HARS1: variants seen among roughly 807,000 people sequenced by gnomAD.
The protein encoded by HARS1 is histidyl-tRNA synthetase 1.
HARS1 carries 45 observed loss-of-function variants against 63.6 expected under a neutral mutation model. The ratio of observed to expected loss-of-function variants is 0.71; its 90% CI spans 0.56 to 0.91. The LOEUF (loss-of-function observed/expected upper bound fraction) is 0.91, where lower values mean the gene tolerates loss of function less well. Ranked by LOEUF, HARS1 falls within the 40% of genes least tolerant of loss-of-function variation. The probability of loss-of-function intolerance (pLI) is 0.00; values close to 1 mark genes in which losing one functional copy is unlikely to be tolerated. For synonymous variants in HARS1, 205 were observed against 247.1 expected (o/e 0.83, Z 1.60); for missense variants, 508 against 643.2 (o/e 0.79, Z 2.27).
chr5:140,679,626 G>A lies in HARS1; in HGVS notation c.396+162C>T, dbSNP rs143166254. On this transcript the variant is annotated intron_variant, in intron 4 of 12. Transcript: ENST00000504156. The surrounding 1 kb of genome is among the most constrained non-coding windows in gnomAD (Gnocchi z 4.3). ...GGATTCAGAAGATTTCTAAGGATGTGTATGCTCTGTTTAGCCAAAGTTCCA... is the reference window on the plus strand; with the variant it reads ...GGATTCAGAAGATTTCTAAGGATGTATATGCTCTGTTTAGCCAAAGTTCCA... The A allele has an allele frequency of 9.0e-5, 50 of 552,822 alleles. 1 individual carries two copies. The highest frequency in any genetic ancestry group is 2.1e-4 in the Admixed American group (6 of 28,652). 34.2% of individuals were successfully genotyped at this position (552,822 alleles called of 1,614,324 possible).
intron 10 of HARS1, 200 bp from the exon 11 acceptor site, chr5:140,675,333 A>T: frequency 1.9e-6 from 1 of 515,190 alleles, no homozygotes; most frequent in South Asian, 2.7e-5. Flanking sequence ...CATAGGACGT[A>T]TCAGAATAAA....
Position 140,690,862 on chromosome 5 carries a change from G to A in HARS1, c.173C>T (p.Thr58Ile). 3.8e-6 allele frequency: 6 copies of A among 1,582,546 alleles called. No homozygotes were observed. The South Asian group carries it at 6.6e-5, about 17-fold the overall frequency. Reference protein sequence around the residue: ...DESKQKFVLKTPKGTRDYSPR... With the variant: ...DESKQKFVLKIPKGTRDYSPR... ...CTACAGGAATGATATTACCTTGGGG[G>A]TTTTGAGCACAAATTTCTGTTTGCT... Residue 58 changes from threonine to isoleucine, a missense_variant, in exon 2 of 13, where the codon ACC (threonine) becomes ATC (isoleucine). By Grantham distance (89) the Thr-to-Ile change is moderately conservative (BLOSUM62 -1). Transcript: ENST00000504156.
At chr5:140,678,039 G>A (rs369952694) in intron 5 of HARS1, 24 bp from the exon 6 acceptor site, 98 of 1,310,436 alleles carry the variant, frequency 7.5e-5, no homozygotes, top group Middle Eastern at 1.8e-4. Context: ...GTTAGCCAGC[G>A]GTCTTCAGGG....
At chr5:140,686,983 G>C (rs1372161710) in intron 2 of HARS1, among the ~76,000 whole-genome samples, 1 of 152,144 alleles carries the variant, frequency 6.6e-6, no homozygotes, top group Non-Finnish European at 1.5e-5. Flanking sequence ...AGGTGACGAG[G>C]CTCACTTCGT....
rs775535916 is a variant in HARS1, at chr5:140,691,331, T to G, written c.-27A>C. ...CCGGCTGTCCACTTGAGCCGCCTGC[T>G]GTCTCGACCTGCGGTGGTTGCCCCA... is the stretch of plus-strand genomic sequence containing the variant. On this transcript the variant is annotated 5_prime_UTR_variant, in exon 1 of 13. Transcript: ENST00000504156. The G allele has an allele frequency of 2.6e-6, 4 of 1,553,102 alleles. No individual in the cohort carries two copies. The African/African-American group carries it at 4.1e-5, about 16-fold the overall frequency.
rs1423976032 is a variant in HARS1, at chr5:140,674,304, C to A, written c.1483G>T (p.Val495Leu). Residue 495 changes from valine to leucine, a missense_variant, in exon 13 of 13, where the codon GTG (valine) becomes TTG (leucine). By Grantham distance (32) the Val-to-Leu change is conservative (BLOSUM62 1). Around this residue, in one of 2 missense-constraint regions of HARS1, gnomAD observed 403 missense variants for 548.7 expected, o/e 0.73. Transcript: ENST00000504156. Reference sequence around the variant, plus strand: ...CCTGTTCTCCTTTTGATTTCCTCCACAAGGTCTTCTCTTCGGACATCCACC... The same window carrying A: ...CCTGTTCTCCTTTTGATTTCCTCCAAAAGGTCTTCTCTTCGGACATCCACC... ...EEVDVRREDL[V>L]EEIKRRTGQP... 1 of 1,612,000 alleles carries A rather than the reference C, an allele frequency of 6.2e-7. No individual in the cohort carries two copies. The highest frequency in any genetic ancestry group is 1.7e-5 in the Admixed American group (1 of 60,004).
rs143476664 is a variant in HARS1, at chr5:140,682,257, C to T, written c.300+843G>A. Among the ~76,000 whole-genome samples, 384 of 152,112 alleles carry T rather than the reference C, an allele frequency of 2.5e-3. 2 individuals are homozygous for T. The highest frequency in any genetic ancestry group is 8.9e-3 in the African/African-American group (370 of 41,474). Reference sequence around the variant, plus strand: ...TTTTTTAAAAAGGAATTAAAATCTGCAGTCTCTAGTATAATCTGAAATAAA... The same window carrying T: ...TTTTTTAAAAAGGAATTAAAATCTGTAGTCTCTAGTATAATCTGAAATAAA... On this transcript the variant is annotated intron_variant, in intron 3 of 12. Coordinates refer to ENST00000504156, the MANE Select transcript of HARS1 (RefSeq NM_002109.6).
intron 2 of HARS1, among the ~76,000 whole-genome samples, chr5:140,688,658 T>C (rs886261689): frequency 6.6e-6 from 1 of 152,218 alleles, no homozygotes; most frequent in Non-Finnish European, 1.5e-5. Flanking sequence ...TCAGCTGATA[T>C]GTCTATTTAA....
rs1265544843 is a variant in HARS1 at position 140,679,152 on chromosome 5, A to G, written c.397-25T>C. 6.2e-7 allele frequency: 1 copy of G among 1,612,730 alleles called. No homozygotes were observed. The highest frequency in any genetic ancestry group is 1.7e-5 in the Admixed American group (1 of 59,952). ...CCTGATGACAAAGAGTTAAGGAGAAAGCCCCTCCTATCACTGTCTGCAAGT... is the reference window on the plus strand; with the variant it reads ...CCTGATGACAAAGAGTTAAGGAGAAGGCCCCTCCTATCACTGTCTGCAAGT... On this transcript the variant is annotated intron_variant, in intron 4 of 12. Transcript: ENST00000504156. This position sits in a 1 kb window ranked among gnomAD's most constrained non-coding sequence, Gnocchi z 4.3.
At chr5:140,690,366 C>T (rs543303618) in intron 2 of HARS1, among the ~76,000 whole-genome samples, 1 of 152,026 alleles carries the variant, frequency 6.6e-6, no homozygotes, top group South Asian at 2.1e-4. Flanking sequence ...GCAGGAGAAT[C>T]GCTTGAACCC....
At chr5:140,688,764 A>T (rs970449474) in intron 2 of HARS1, among the ~76,000 whole-genome samples, 2 of 152,066 alleles carry the variant, frequency 1.3e-5, no homozygotes, top group East Asian at 1.9e-4. Context: ...CTAAAAAAAA[A>T]TTTTCACATT....
chr5:140,678,862 C>CA (rs568069230), intron 5 of HARS1, 140 bp downstream of exon 5: 3 of 899,208 alleles, frequency 3.3e-6, no homozygotes, highest in Non-Finnish European at 5.0e-6. Flanking sequence ...AAAAAACAAA[C>CA]AAAAAAACCA....
chr5:140,690,432 C>T (rs2563306), intron 2 of HARS1, among the ~76,000 whole-genome samples: 65,211 of 151,638 alleles, frequency 0.43, 14,249 homozygotes, highest in East Asian at 0.46. Flanking sequence ...GCCTGTGCAA[C>T]AGAGGATACT....
In HARS1 at chr5:140,676,307, A is replaced by G; in HGVS notation, c.1194+347T>C. The G allele has an allele frequency of 4.5e-6, 1 of 221,058 alleles. No individual in the cohort carries two copies. Among genetic ancestry groups the G allele is most frequent in the Non-Finnish European group, 8.9e-6 (1 of 112,716 alleles). The allele number at this position is 221,058 out of a possible 1,614,324, so 13.7% of individuals were successfully genotyped here. ...GCTGTAGTAACAATTATATTTTGAT[A>G]ATGCATGAAAAGCACCAAGCACAGT... On this transcript the variant is annotated intron_variant, in intron 10 of 12. Coordinates refer to ENST00000504156, the MANE Select transcript of HARS1 (RefSeq NM_002109.6). The surrounding 1 kb of genome is among the most constrained non-coding windows in gnomAD (Gnocchi z 4.1).
At chr5:140,690,969 GCTATCCAT>G in intron 1 of HARS1, 25 bp from the exon 2 acceptor site, 1 of 1,361,158 alleles carries the variant, frequency 7.3e-7, no homozygotes, top group South Asian at 1.2e-5. Context: ...AAGGCGCTGA[GCTATCCAT>G]CTGTCACTCT....
intron 12 of HARS1, 117 bp from the exon 13 acceptor site, chr5:140,674,445 T>G (rs1758232588): frequency 1.2e-6 from 1 of 850,618 alleles, no homozygotes; most frequent in Admixed American, 2.0e-5. Context: ...AGCAGGAACC[T>G]AATTAAACAC....
At chr5:140,678,230 ACTT>A (rs1003745839) in intron 5 of HARS1, 13 of 574,058 alleles carry the variant, frequency 2.3e-5, no homozygotes, top group Admixed American at 9.4e-5. Context: ...TTCATTTTCT[ACTT>A]CATCATCTTC....
In HARS1 at chr5:140,691,202, G is replaced by A. The variant is rs746641412; in HGVS notation, c.90+13C>T. ...CTTTGCCTTGGCCCTCTCCCCTGCTGCCTAAATCTCACCAGCTCGGCGCTG... is the reference window on the plus strand; with the variant it reads ...CTTTGCCTTGGCCCTCTCCCCTGCTACCTAAATCTCACCAGCTCGGCGCTG... On this transcript the variant is annotated intron_variant, in intron 1 of 12. Coordinates refer to ENST00000504156, the MANE Select transcript of HARS1 (RefSeq NM_002109.6). 2 of 1,585,084 alleles carry A rather than the reference G, an allele frequency of 1.3e-6. No homozygotes were observed. Among genetic ancestry groups the A allele is most frequent in the South Asian group, 2.2e-5 (2 of 89,456 alleles).
chr5:140,690,448 T>TA lies in HARS1; in HGVS notation c.180+406dup, dbSNP rs1010428067. Among the ~76,000 whole-genome samples the TA allele has an allele frequency of 8.6e-3, 1,064 of 124,074 alleles. 11 individuals carry two copies. Among genetic ancestry groups the TA allele is most frequent in the African/African-American group, 0.028 (978 of 35,450 alleles). The allele number at this position is 124,074 out of a possible 152,430, so 81.4% of individuals were successfully genotyped here. ...CCTGTGCAACAGAGGATACTCTGTT[T>TA]AAAAAAAAAACAAAAAAATCTGTGT... On this transcript the variant is annotated intron_variant, in intron 2 of 12. Transcript: ENST00000504156.
Sources: allele counts gnomAD v4.1 joint callset (sites outside exome capture counted in the v4.1 genomes callset), GRCh38; gene constraint gnomAD v4.1.1; regional missense constraint gnomAD v4.1.1; non-coding constraint Gnocchi (gnomAD v3.1); transcripts MANE v1.5; gene names NCBI Gene and HGNC (gene_info 2026-07-23, HGNC 2026-07-21).